KIZ: variants seen among roughly 807,000 people sequenced by gnomAD.
The protein encoded by KIZ is kizuna centrosomal protein.
KIZ carries 68 observed loss-of-function variants against 79.6 expected under a neutral mutation model. The ratio of observed to expected loss-of-function variants is 0.85; its 90% CI spans 0.70 to 1.05. The LOEUF is 1.05. Among genes scored for constraint, KIZ ranks in the 50% least tolerant of loss-of-function variants. KIZ has a pLI of 0.00. For missense variants in KIZ, 797 were observed against 800.4 expected, an observed-to-expected ratio of 1.00 and a Z score of 0.05; for synonymous variants, 280 against 281.8, an observed-to-expected ratio of 0.99 and a Z score of 0.06.
chr20:21,149,697 C>T (rs1174369187), intron 4 of KIZ, among the ~76,000 whole-genome samples: 1 of 152,174 alleles, frequency 6.6e-6, no homozygotes, highest in Non-Finnish European at 1.5e-5. Context: ...AGATGTGTTC[C>T]CAGGATCTGA....
intron 6 of KIZ, among the ~76,000 whole-genome samples, chr20:21,200,641 T>TAA (rs2035556863): frequency 6.6e-6 from 1 of 151,988 alleles, no homozygotes; most frequent in East Asian, 1.9e-4. Flanking sequence ...ATGCTCCCCC[T>TAA]GATCTGACAG....
chr20:21,151,586 A>G (rs2122567569), intron 4 of KIZ: 1 of 152,342 alleles, frequency 6.6e-6, no homozygotes, highest in South Asian at 2.1e-4. Context: ...TCCTTTTGAT[A>G]GTAGAAAAGG....
intron 11 of KIZ, among the ~76,000 whole-genome samples, chr20:21,234,094 C>T (rs1466724305): frequency 1.3e-5 from 2 of 152,100 alleles, no homozygotes; most frequent in Non-Finnish European, 2.9e-5. Context: ...TATAGAGGCA[C>T]TAAAAAACTC....
chr20:21,151,821 C>T (rs1482779344), intron 4 of KIZ: 1 of 152,056 alleles, frequency 6.6e-6, no homozygotes. Flanking sequence ...TTTTGGTAAT[C>T]TGTGCCCTAG....
intron 6 of KIZ, among the ~76,000 whole-genome samples, chr20:21,176,706 TC>T (rs2034451412): frequency 6.6e-6 from 1 of 152,118 alleles, no homozygotes; most frequent in Non-Finnish European, 1.5e-5. Flanking sequence ...GCTCTAGAGC[TC>T]TAAAGGAAAA....
At chr20:21,136,261 G>A in intron 2 of KIZ, 129 bp from the exon 3 acceptor site, 1 of 590,534 alleles carries the variant, frequency 1.7e-6, no homozygotes, top group Non-Finnish European at 3.0e-6. Context: ...TTTGTTGTTT[G>A]GGTTTCGGTG....
chr20:21,197,260 T>TAG (rs1455965473), intron 6 of KIZ: 1 of 152,214 alleles, frequency 6.6e-6, no homozygotes, highest in East Asian at 1.9e-4. Context: ...ACTTACTCAG[T>TAG]AGACTGGATA....
intron 6 of KIZ, among the ~76,000 whole-genome samples, chr20:21,202,999 T>G (rs1015961526): frequency 6.6e-6 from 1 of 152,220 alleles, no homozygotes; most frequent in Non-Finnish European, 1.5e-5. Context: ...CAAATACTTA[T>G]ACATCTAACA....
At chr20:21,197,365 A>G (rs1393502324) in intron 6 of KIZ, 1 of 152,252 alleles carries the variant, frequency 6.6e-6, no homozygotes, top group Non-Finnish European at 1.5e-5. Flanking sequence ...TGGAAAACTA[A>G]TAGTCATTTT....
chr20:21,219,803 G>A (rs914265712), intron 9 of KIZ, among the ~76,000 whole-genome samples: 1 of 152,040 alleles, frequency 6.6e-6, no homozygotes, highest in Non-Finnish European at 1.5e-5. Context: ...TCTTGGCTGG[G>A]GCTCCTCCTT....
At chr20:21,189,169 C>T (rs1328313284) in intron 6 of KIZ, among the ~76,000 whole-genome samples, 1 of 152,082 alleles carries the variant, frequency 6.6e-6, no homozygotes, top group Non-Finnish European at 1.5e-5. Flanking sequence ...AGTTGGAGAA[C>T]TCAGCCAGCA....
At chr20:21,139,069 G>A (rs1043207574) in intron 3 of KIZ, 9 of 144,022 alleles carry the variant, frequency 6.2e-5, no homozygotes, top group Admixed American at 1.4e-4. Flanking sequence ...TGGTATGGCC[G>A]TAGGACCTTT....
chr20:21,193,950 A>C (rs1177023082), intron 6 of KIZ: 1 of 151,916 alleles, frequency 6.6e-6, no homozygotes, highest in Non-Finnish European at 1.5e-5. Context: ...GCACGTGTAC[A>C]CATATGTAAC....
Position 21,232,850 on chromosome 20 carries a change from T to C in KIZ, c.1880+20T>C. On this transcript the variant is annotated intron_variant, in intron 11 of 12. Coordinates refer to ENST00000619189, the MANE Select transcript of KIZ (RefSeq NM_018474.6). ...GTCAAGGTAAAGTTGTGAAAGCCTT[T>C]CTGAATAGCAGCAACAAGATGAGAA... The C allele has an allele frequency of 9.8e-7, 1 of 1,020,932 alleles. No individual in the cohort carries two copies. Among genetic ancestry groups the C allele is most frequent in the East Asian group, 2.5e-5 (1 of 40,608 alleles). The allele number at this position is 1,020,932 out of a possible 1,614,324, so 63.2% of individuals were successfully genotyped here.
intron 6 of KIZ, among the ~76,000 whole-genome samples, chr20:21,203,055 T>G (rs995784386): frequency 2.6e-5 from 4 of 152,194 alleles, no homozygotes; most frequent in African/African-American, 9.6e-5. Flanking sequence ...AACAAAATTC[T>G]TCAGTTTATC....
chr20:21,134,267 T>A (rs574259725), intron 2 of KIZ, among the ~76,000 whole-genome samples: 1 of 152,334 alleles, frequency 6.6e-6, no homozygotes, highest in South Asian at 2.1e-4. Context: ...GATTCGACAC[T>A]GACTGAAACG....
chr20:21,223,715 G>C (rs1164631654), intron 9 of KIZ, among the ~76,000 whole-genome samples: 1 of 146,720 alleles, frequency 6.8e-6, no homozygotes, highest in Non-Finnish European at 1.5e-5. Context: ...TCTCACCCAG[G>C]CTGGAGTGCA....
At chr20:21,231,676 T>C (rs998818145) in intron 10 of KIZ, among the ~76,000 whole-genome samples, 5 of 152,162 alleles carry the variant, frequency 3.3e-5, no homozygotes, top group South Asian at 2.1e-4. Flanking sequence ...TAAGGACTTA[T>C]CTGAGCCCCA....
chr20:21,167,559 C>CTTTTTTT (rs11445129), intron 6 of KIZ, among the ~76,000 whole-genome samples: 2 of 111,796 alleles, frequency 1.8e-5, no homozygotes, highest in Non-Finnish European at 3.5e-5. Flanking sequence ...GTTTGTTTCG[C>CTTTTTTT]TTTTTTTTTT....
Sources: allele counts gnomAD v4.1 joint callset (sites outside exome capture counted in the v4.1 genomes callset), GRCh38; gene constraint gnomAD v4.1.1; transcripts MANE v1.5; gene names NCBI Gene and HGNC (gene_info 2026-07-23, HGNC 2026-07-21).